RFX4: variants seen among roughly 807,000 people sequenced by gnomAD.
RFX4 encodes the protein transcription factor RFX4.
A neutral mutation model predicts 95.0 loss-of-function variants in RFX4; 10 were observed. The ratio of observed to expected loss-of-function variants is 0.11; its 90% CI spans 0.06 to 0.18. The LOEUF is 0.18. Ranked by LOEUF, RFX4 falls within the 10% of genes least tolerant of loss-of-function variation. The pLI is 1.00. For synonymous variants in RFX4, 321 were observed against 340.7 expected (o/e 0.94, Z 0.64); for missense variants, 640 against 922.0 (o/e 0.69, Z 3.96).
chr12:106,613,330 C>G (rs1244794374), intron 2 of RFX4, among the ~76,000 whole-genome samples: 3 of 149,420 alleles, frequency 2.0e-5, no homozygotes, highest in Admixed American at 6.6e-5. Context: ...CTGCTGAATT[C>G]TGTTTGTTAG....
intron 4 of RFX4, among the ~76,000 whole-genome samples, chr12:106,661,234 G>A (rs1289803607): frequency 6.6e-6 from 1 of 152,166 alleles, no homozygotes; most frequent in African/African-American, 2.4e-5. Flanking sequence ...TACCGTATTA[G>A]CCCAAAACAC....
chr12:106,659,272 G>C (rs1414058824), intron 4 of RFX4, among the ~76,000 whole-genome samples: 1 of 152,188 alleles, frequency 6.6e-6, no homozygotes, highest in Non-Finnish European at 1.5e-5. Context: ...GTGAGGAAGG[G>C]AAGAGTGTGA....
intron 13 of RFX4, among the ~76,000 whole-genome samples, chr12:106,725,613 T>C (rs1158664366): frequency 2.6e-5 from 4 of 152,176 alleles, no homozygotes; most frequent in Non-Finnish European, 5.9e-5. Context: ...TAATAAATGT[T>C]TAGCATATAT....
intron 4 of RFX4, among the ~76,000 whole-genome samples, chr12:106,671,071 C>T (rs1015311580): frequency 6.6e-6 from 1 of 152,202 alleles, no homozygotes; most frequent in Non-Finnish European, 1.5e-5. Context: ...AAAAGCCCTT[C>T]TTTACCCACA....
At chr12:106,648,799 C>T (rs1488420243) in intron 3 of RFX4, among the ~76,000 whole-genome samples, 1 of 151,958 alleles carries the variant, frequency 6.6e-6, no homozygotes, top group African/African-American at 2.4e-5. Flanking sequence ...AAGATCTCTG[C>T]ATATACATAT....
chr12:106,709,536 T>C, intron 9 of RFX4, 106 bp downstream of exon 9: 1 of 756,894 alleles, frequency 1.3e-6, no homozygotes, highest in Non-Finnish European at 2.1e-6. Context: ...ACTGGTTGAC[T>C]ATAAAGCACC....
At chr12:106,695,352 A>G (rs534004060) in intron 7 of RFX4, among the ~76,000 whole-genome samples, 29 of 152,338 alleles carry the variant, frequency 1.9e-4, no homozygotes, top group African/African-American at 5.8e-4. Context: ...TATTATATAC[A>G]TCAGTTACTA....
At chr12:106,657,197 C>T (rs2040977229) in intron 4 of RFX4, among the ~76,000 whole-genome samples, 1 of 152,224 alleles carries the variant, frequency 6.6e-6, no homozygotes, top group Admixed American at 6.5e-5. Flanking sequence ...GGACAGTCTT[C>T]CTTTGAGCAG....
chr12:106,716,573 A>G (rs544229008), intron 11 of RFX4, among the ~76,000 whole-genome samples: 1 of 152,126 alleles, frequency 6.6e-6, no homozygotes, highest in Non-Finnish European at 1.5e-5. Flanking sequence ...AGCAAATGTA[A>G]CAGCCGAAAT....
intron 1 of RFX4, among the ~76,000 whole-genome samples, chr12:106,599,368 A>G (rs916486038): frequency 2.0e-5 from 3 of 152,172 alleles, no homozygotes; most frequent in Non-Finnish European, 2.9e-5. Flanking sequence ...TAATGTATAT[A>G]TAATTACGAG....
intron 1 of RFX4, among the ~76,000 whole-genome samples, chr12:106,608,184 C>T (rs755986937): frequency 2.0e-5 from 3 of 152,020 alleles, no homozygotes; most frequent in Non-Finnish European, 2.9e-5. Context: ...AGCAAAACTC[C>T]GTCTCAAAAA....
chr12:106,597,191 C>T (rs757483887), intron 1 of RFX4, among the ~76,000 whole-genome samples: 4 of 152,100 alleles, frequency 2.6e-5, no homozygotes, highest in Non-Finnish European at 4.4e-5. Flanking sequence ...GTACAATCAG[C>T]ACTTAAGGAG....
At chr12:106,627,078 C>G (rs1461325273) in intron 2 of RFX4, among the ~76,000 whole-genome samples, 3 of 152,192 alleles carry the variant, frequency 2.0e-5, no homozygotes, top group Admixed American at 6.5e-5. Context: ...TACCATGTTC[C>G]TCACTCTGAG....
chr12:106,746,257 G>A (rs1432394787), intron 15 of RFX4, among the ~76,000 whole-genome samples: 2 of 151,676 alleles, frequency 1.3e-5, no homozygotes, highest in Non-Finnish European at 2.9e-5. Flanking sequence ...TCAGGAGGCT[G>A]AGGCCGGAGA....
In RFX4 at chr12:106,595,393, A is replaced by T. The variant is rs181647132; in HGVS notation, c.43+12030A>T. Among the ~76,000 whole-genome samples, 680 of 152,304 alleles carry T rather than the reference A, an allele frequency of 4.5e-3. 3 individuals are homozygous for T. Among genetic ancestry groups the T allele is most frequent in the African/African-American group, 0.016 (657 of 41,568 alleles). The stretch of plus-strand genomic sequence containing the variant: ...TCATCCTGGTGGGAGACAGCAGCTC[A>T]CACTGCCATTCTTTGGAGTGTACTG... On this transcript the variant is annotated intron_variant, in intron 1 of 17. Coordinates refer to ENST00000392842, the MANE Select transcript of RFX4 (RefSeq NM_213594.3).
chr12:106,729,523 C>T (rs746680013), intron 13 of RFX4, among the ~76,000 whole-genome samples: 21 of 152,198 alleles, frequency 1.4e-4, no homozygotes, highest in Non-Finnish European at 2.8e-4. Flanking sequence ...CAGAGTCAGA[C>T]AGTCCAGGGT....
chr12:106,666,457 T>G (rs2041178083), intron 4 of RFX4, among the ~76,000 whole-genome samples: 1 of 152,186 alleles, frequency 6.6e-6, no homozygotes, highest in South Asian at 2.1e-4. Flanking sequence ...TGTCTGACAT[T>G]AATTTGAGGA....
intron 2 of RFX4, among the ~76,000 whole-genome samples, chr12:106,638,593 A>G (rs1485685131): frequency 6.6e-6 from 1 of 152,118 alleles, no homozygotes; most frequent in Non-Finnish European, 1.5e-5. Flanking sequence ...AATACCATAA[A>G]CTGTGTGGGT....
At chr12:106,752,549 C>T (rs1270179643) in intron 17 of RFX4, among the ~76,000 whole-genome samples, 1 of 152,154 alleles carries the variant, frequency 6.6e-6, no homozygotes. Flanking sequence ...CACCCTGGGC[C>T]TTGGGTCTCC....
Sources: allele counts gnomAD v4.1 joint callset (sites outside exome capture counted in the v4.1 genomes callset), GRCh38; gene constraint gnomAD v4.1.1; transcripts MANE v1.5; gene names NCBI Gene and HGNC (gene_info 2026-07-23, HGNC 2026-07-21).